SMAP1: variants seen among roughly 807,000 people sequenced by gnomAD.
SMAP1 encodes small ArfGAP 1, also known as stromal membrane-associated protein 1.
In SMAP1, 24 loss-of-function variants were observed where a neutral mutation model predicts 58.5. The ratio of observed to expected loss-of-function variants is 0.41; its 90% confidence interval spans 0.30 to 0.58. The LOEUF (loss-of-function observed/expected upper bound fraction) is 0.58, where lower values mean the gene tolerates loss of function less well. SMAP1 is among the 20% of genes least tolerant of loss of function. The pLI is 0.29. For synonymous variants in SMAP1, 216 were observed against 196.6 expected (o/e 1.10, Z -0.82); for missense variants, 563 against 566.3 (o/e 0.99, Z 0.06).
At chr6:70,787,993 G>A (rs936728097) in intron 4 of SMAP1, among the ~76,000 whole-genome samples, 9 of 152,120 alleles carry the variant, frequency 5.9e-5, no homozygotes, top group African/African-American at 9.6e-5. Context: ...ATAAAGACAC[G>A]TGCCCACGTA....
chr6:70,859,286 C>A, intron 10 of SMAP1: 1 of 1,422,922 alleles, frequency 7.0e-7, no homozygotes. Context: ...GGTTAAGGTG[C>A]TAGATGAACC....
chr6:70,794,851 C>T (rs552094892), intron 5 of SMAP1, among the ~76,000 whole-genome samples: 5 of 147,916 alleles, frequency 3.4e-5, no homozygotes, highest in Admixed American at 1.4e-4. Flanking sequence ...TGCAGTGGCA[C>T]GATCTCAGCT....
At chr6:70,735,583 A>G (rs1356434702) in intron 2 of SMAP1, among the ~76,000 whole-genome samples, 2 of 152,202 alleles carry the variant, frequency 1.3e-5, no homozygotes, top group Non-Finnish European at 1.5e-5. Flanking sequence ...AGCCTGGCCA[A>G]CATTACGAAG....
At chr6:70,800,312 G>A (rs1448557272) in intron 6 of SMAP1, among the ~76,000 whole-genome samples, 1 of 151,754 alleles carries the variant, frequency 6.6e-6, no homozygotes, top group Non-Finnish European at 1.5e-5. Context: ...ATACAGAAGG[G>A]AATAAAAAAC....
intron 4 of SMAP1, among the ~76,000 whole-genome samples, chr6:70,777,999 G>T (rs971991819): frequency 6.6e-6 from 1 of 152,066 alleles, no homozygotes; most frequent in African/African-American, 2.4e-5. Flanking sequence ...TGATCCCCCT[G>T]CCTCGGGCTC....
At chr6:70,799,384 T>A (rs1208026125) in intron 6 of SMAP1, among the ~76,000 whole-genome samples, 1 of 152,148 alleles carries the variant, frequency 6.6e-6, no homozygotes, top group African/African-American at 2.4e-5. Flanking sequence ...AGGGTTTTTT[T>A]GAAAATTATT....
intron 3 of SMAP1, among the ~76,000 whole-genome samples, chr6:70,756,029 A>C (rs1188805024): frequency 6.6e-6 from 1 of 152,044 alleles, no homozygotes; most frequent in Non-Finnish European, 1.5e-5. Flanking sequence ...TGGATAGAAT[A>C]GTTTCCCATG....
chr6:70,674,153 ACT>A (rs1369957689), intron 1 of SMAP1, among the ~76,000 whole-genome samples: 1 of 149,868 alleles, frequency 6.7e-6, no homozygotes, highest in Admixed American at 6.7e-5. Context: ...ACAGGGTCTC[ACT>A]CTGTCGCTGG....
chr6:70,786,445 C>T (rs1163356537), intron 4 of SMAP1, among the ~76,000 whole-genome samples: 55 of 105,008 alleles, frequency 5.2e-4, no homozygotes, highest in African/African-American at 2.1e-3. Context: ...GTTGGAAGTT[C>T]TGGCCAGGGC....
At chr6:70,801,516 T>G (rs1300910059) in intron 6 of SMAP1, among the ~76,000 whole-genome samples, 1 of 152,232 alleles carries the variant, frequency 6.6e-6, no homozygotes, top group Non-Finnish European at 1.5e-5. Flanking sequence ...CTTTTTAGTT[T>G]AATTAGATTC....
chr6:70,710,131 T>C (rs970012201), intron 1 of SMAP1, among the ~76,000 whole-genome samples: 1 of 152,126 alleles, frequency 6.6e-6, no homozygotes, highest in Admixed American at 6.6e-5. Flanking sequence ...TGTAGGCAAT[T>C]GTAGCACATA....
intron 4 of SMAP1, among the ~76,000 whole-genome samples, chr6:70,775,939 A>G (rs781090775): frequency 3.9e-5 from 6 of 152,164 alleles, no homozygotes; most frequent in Non-Finnish European, 1.5e-5. Context: ...TGAGAATTAC[A>G]TATTTCTGTT....
chr6:70,686,170 CAG>C (rs777352070), intron 1 of SMAP1, among the ~76,000 whole-genome samples: 4 of 151,992 alleles, frequency 2.6e-5, no homozygotes, highest in East Asian at 1.9e-4. Context: ...CAAATTGCCT[CAG>C]AGTCTGTTTT....
At chr6:70,776,816 A>G (rs1294191918) in intron 4 of SMAP1, among the ~76,000 whole-genome samples, 2 of 152,212 alleles carry the variant, frequency 1.3e-5, no homozygotes, top group Non-Finnish European at 2.9e-5. Context: ...TGTGAATGGT[A>G]GGATTTCATT....
intron 6 of SMAP1, 93 bp from the exon 7 acceptor site, chr6:70,836,848 C>T (rs1419159365): frequency 4.0e-6 from 4 of 997,152 alleles, no homozygotes; most frequent in Non-Finnish European, 5.7e-6. Flanking sequence ...TTTTTTTACA[C>T]TAACTTTATC....
At chr6:70,679,164 G>T (rs894787826) in intron 1 of SMAP1, among the ~76,000 whole-genome samples, 6 of 151,856 alleles carry the variant, frequency 4.0e-5, no homozygotes, top group African/African-American at 1.5e-4. Context: ...GCTTACAGGT[G>T]TGTGCCACCA....
At chr6:70,682,403 G>A (rs1016280590) in intron 1 of SMAP1, among the ~76,000 whole-genome samples, 2 of 151,690 alleles carry the variant, frequency 1.3e-5, no homozygotes, top group Non-Finnish European at 2.9e-5. Context: ...TGGCCAGGCT[G>A]GTCTCGAACT....
chr6:70,792,973 G>T (rs188398267), intron 5 of SMAP1, among the ~76,000 whole-genome samples: 86 of 152,256 alleles, frequency 5.6e-4, no homozygotes, highest in African/African-American at 2.0e-3. Flanking sequence ...AAATGAGGGG[G>T]ACATGTTCCA....
At chr6:70,803,226 C>T (rs917609918) in intron 6 of SMAP1, among the ~76,000 whole-genome samples, 1 of 152,080 alleles carries the variant, frequency 6.6e-6, no homozygotes, top group African/African-American at 2.4e-5. Flanking sequence ...CTGGTTTAGT[C>T]TTGGGAGGGT....
Sources: allele counts gnomAD v4.1 joint callset (sites outside exome capture counted in the v4.1 genomes callset), GRCh38; gene constraint gnomAD v4.1.1; transcripts MANE v1.5; gene names NCBI Gene and HGNC (gene_info 2026-07-23, HGNC 2026-07-21).